DNM2: variants seen among roughly 807,000 people sequenced by gnomAD.
The protein encoded by DNM2 is dynamin 2, also known as dynamin-2.
Under a neutral mutation model 99.0 loss-of-function variants are expected in DNM2, and 15 were observed. That is an observed-to-expected ratio of 0.15 (90% CI 0.10 to 0.23). The LOEUF is 0.23. Among genes scored for constraint, DNM2 ranks in the 10% least tolerant of loss-of-function variants. DNM2 has a pLI of 1.00. For missense variants in DNM2, 742 were observed against 1,189.4 expected (o/e 0.62, Z 5.53); for synonymous variants, 525 against 481.2 (o/e 1.09, Z -1.19).
At chr19:10,736,785 C>T (rs2069544406) in intron 1 of DNM2, among the ~76,000 whole-genome samples, 1 of 152,142 alleles carries the variant, frequency 6.6e-6, no homozygotes, top group Admixed American at 6.6e-5. Context: ...CCTCCTCAGT[C>T]TTGCACCTTT....
At chr19:10,732,371 C>T (rs1324760876) in intron 1 of DNM2, among the ~76,000 whole-genome samples, 2 of 148,686 alleles carry the variant, frequency 1.3e-5, no homozygotes, top group Admixed American at 6.7e-5. Context: ...GAGGCCGAGG[C>T]GGGCGGATCA....
chr19:10,791,154 T>C (rs2071740967), intron 7 of DNM2, among the ~76,000 whole-genome samples: 1 of 152,070 alleles, frequency 6.6e-6, no homozygotes, highest in South Asian at 2.1e-4. Context: ...ACTGGTGCAA[T>C]CACGGCTCAC....
At position 10,817,846 on chromosome 19, in the gene DNM2, G is replaced by A. The variant is rs900239104; in HGVS notation, c.1672-2134G>A. ...GCGCGCGCACGCGTGCGTGCCGGCA[G>A]CACCAGGAAGGCGGCCACTGATTTC... On this transcript the variant is annotated intron_variant, in intron 15 of 20. Coordinates refer to ENST00000389253, the MANE Select transcript of DNM2 (RefSeq NM_001005361.3). The surrounding 1 kb of genome is among the most constrained non-coding windows in gnomAD (Gnocchi z 4.6). Among the ~76,000 whole-genome samples, 7 of 151,244 alleles carry A rather than the reference G, an allele frequency of 4.6e-5. No individual in the cohort carries two copies. Among genetic ancestry groups the A allele is most frequent in the Non-Finnish European group, 8.9e-5 (6 of 67,728 alleles).
rs1198805165 is a variant in DNM2 at position 10,805,945 on chromosome 19, A to G, written c.1523A>G (p.Lys508Arg). 6.2e-7 allele frequency: 1 copy of G among 1,614,028 alleles called. No individual in the cohort carries two copies. The highest frequency in any genetic ancestry group is 1.3e-5 in the African/African-American group (1 of 74,906). ...CAGCAGAGGAGCACGCAGCTGAACA[A>G]GAAGAGAGCCATCCCCAATCAGGTA... is the stretch of plus-strand genomic sequence containing the variant. ...NAQQRSTQLN[K>R]KRAIPNQGEI... The change falls in exon 13 of 21, where the codon AAG (lysine) becomes AGG (arginine). Residue 508 changes from lysine (K) to arginine (R), a missense_variant. This residue lies in a region of DNM2 where 240 missense variants were observed against 431.3 expected (regional missense o/e 0.56). Transcript: ENST00000389253.
At chr19:10,749,319 C>T (rs896043234) in intron 1 of DNM2, among the ~76,000 whole-genome samples, 2 of 152,202 alleles carry the variant, frequency 1.3e-5, no homozygotes, top group African/African-American at 4.8e-5. Flanking sequence ...AAATAAACAG[C>T]CTGGGCTTCT....
At position 10,783,993 on chromosome 19, in the gene DNM2, C is replaced by T. The variant is rs934435; in HGVS notation, c.849+873C>T. On this transcript the variant is annotated intron_variant, in intron 6 of 20. Transcript: ENST00000389253. ...GAGATTACAAGCATGAGCCACCATG[C>T]CTGGCCTATCGTTCTCTTCTTGTAA... Among the ~76,000 whole-genome samples, 5,027 of 152,192 alleles carry T rather than the reference C, an allele frequency of 0.033. 412 individuals carry two copies. The East Asian group carries it at 0.35, about 11-fold the overall frequency.
chr19:10,788,624 CTCTTAAGA>C (rs1368356194), intron 7 of DNM2, among the ~76,000 whole-genome samples: 6 of 152,204 alleles, frequency 3.9e-5, no homozygotes, highest in Non-Finnish European at 8.8e-5. Context: ...CCAGCTTGGC[CTCTTAAGA>C]TCCACCCCAT....
intron 1 of DNM2, among the ~76,000 whole-genome samples, chr19:10,747,659 G>T (rs1189165707): frequency 6.6e-6 from 1 of 152,226 alleles, no homozygotes; most frequent in Non-Finnish European, 1.5e-5. Flanking sequence ...CTGCCTGGGT[G>T]TGTGTTGGGT....
chr19:10,732,219 C>G (rs946206094), intron 1 of DNM2, among the ~76,000 whole-genome samples: 1 of 147,646 alleles, frequency 6.8e-6, no homozygotes, highest in Non-Finnish European at 1.5e-5. Flanking sequence ...TCCCAGAGTG[C>G]TGGGATTACA....
At chr19:10,793,643 T>G in intron 7 of DNM2, 77 bp from the exon 8 acceptor site, 4 of 1,613,418 alleles carry the variant, frequency 2.5e-6, no homozygotes, top group Non-Finnish European at 3.4e-6. Context: ...CAGTAAACCC[T>G]GGCTTGACTT....
intron 1 of DNM2, among the ~76,000 whole-genome samples, chr19:10,750,874 C>G (rs1405506819): frequency 6.6e-6 from 1 of 151,634 alleles, no homozygotes; most frequent in African/African-American, 2.4e-5. Context: ...ACACTCCAGC[C>G]TGGGTGACAA....
At chr19:10,815,045 T>C (rs994391907) in intron 15 of DNM2, among the ~76,000 whole-genome samples, 2 of 152,146 alleles carry the variant, frequency 1.3e-5, no homozygotes, top group Non-Finnish European at 2.9e-5. Flanking sequence ...GGCAATGGAT[T>C]TGCGTCTGTA....
chr19:10,801,315 A>G (rs985651752), intron 11 of DNM2, among the ~76,000 whole-genome samples: 2 of 151,412 alleles, frequency 1.3e-5, no homozygotes, highest in Non-Finnish European at 2.9e-5. Flanking sequence ...CCCAAAAAAA[A>G]GAAAAAGAAA....
rs1599569193 is a variant in DNM2, at chr19:10,795,695, T to A, written c.1196+256T>A. On this transcript the variant is annotated intron_variant, in intron 9 of 20. Coordinates refer to ENST00000389253, the MANE Select transcript of DNM2 (RefSeq NM_001005361.3). The surrounding 1 kb of genome is among the most constrained non-coding windows in gnomAD (Gnocchi z 4.2). ...CAAATAGGGCTTAGTTCCTGCCCAG[T>A]CGGTTGGTGTGAACCTCATGCTAAA... The A allele has an allele frequency of 1.7e-6, 1 of 587,614 alleles. No individual in the cohort carries two copies. 36.4% of individuals were successfully genotyped at this position (587,614 alleles called of 1,614,324 possible).
rs540889970 is a variant in DNM2 at position 10,797,617 on chromosome 19, C to A, written c.1335+99C>A. The A allele has an allele frequency of 5.8e-6, 9 of 1,561,580 alleles. No homozygotes were observed. In the East Asian group the frequency reaches 2.0e-4, roughly 35 times the overall value. Reference sequence around the variant, plus strand: ...CTGGAAAATTCAGCCTCGGCAGGAACCCCCTTCCGCCTACCAGTTGTCACT... The same window carrying A: ...CTGGAAAATTCAGCCTCGGCAGGAAACCCCTTCCGCCTACCAGTTGTCACT... On this transcript the variant is annotated intron_variant, in intron 10 of 20. Coordinates refer to ENST00000389253, the MANE Select transcript of DNM2 (RefSeq NM_001005361.3).
chr19:10,719,431 A>C (rs926415607), intron 1 of DNM2, among the ~76,000 whole-genome samples: 8 of 151,894 alleles, frequency 5.3e-5, no homozygotes, highest in African/African-American at 1.7e-4. Flanking sequence ...TTGCGTGATC[A>C]GGCCTCAGTG....
chr19:10,807,865 G>A (rs975389044), intron 13 of DNM2, among the ~76,000 whole-genome samples: 15 of 150,992 alleles, frequency 9.9e-5, no homozygotes, highest in Admixed American at 1.3e-4. Flanking sequence ...AAACCTGGAC[G>A]GGCACGGTGG....
At chr19:10,798,906 G>A (rs1568307273) in intron 11 of DNM2, among the ~76,000 whole-genome samples, 1 of 152,120 alleles carries the variant, frequency 6.6e-6, no homozygotes. Flanking sequence ...CTGTCCCTAT[G>A]CCCCTTTGTA....
intron 14 of DNM2, 75 bp downstream of exon 14, chr19:10,808,655 T>C: frequency 6.6e-7 from 1 of 1,512,628 alleles, no homozygotes; most frequent in Non-Finnish European, 9.1e-7. Flanking sequence ...CCCCTAATAT[T>C]CCCTGTTCCC....
Sources: gnomAD v4.1 joint callset for allele counts (sites outside exome capture counted in the v4.1 genomes callset) on GRCh38, gnomAD v4.1.1 for gene constraint, gnomAD v4.1.1 regional missense constraint, Gnocchi (gnomAD v3.1) non-coding constraint, MANE v1.5 for transcripts, NCBI Gene and HGNC (gene_info 2026-07-23, HGNC 2026-07-21) for gene names.